Variants in ZNF521 observed in about 807,000 individuals in gnomAD.
The protein encoded by ZNF521 is zinc finger protein 521.
ZNF521 carries 14 observed loss-of-function variants against 105.5 expected under a neutral mutation model. The observed-to-expected ratio is 0.13, with a 90% CI of 0.09 to 0.21. The LOEUF (loss-of-function observed/expected upper bound fraction) is 0.21. Among genes scored for constraint, ZNF521 ranks in the 10% least tolerant of loss-of-function variants. The pLI is 1.00. For synonymous variants in ZNF521, 635 were observed against 606.0 expected (o/e 1.05, Z -0.70); for missense variants, 1,233 against 1,629.7 (o/e 0.76, Z 4.19).
At chr18:25,302,031 C>T (rs1911671909) in intron 3 of ZNF521, 1 of 152,150 alleles carries the variant, frequency 6.6e-6, no homozygotes, top group South Asian at 2.1e-4. Flanking sequence ...CACTAAGTGA[C>T]AATGAGTCTC....
chr18:25,140,856 A>G (rs1412675490), intron 5 of ZNF521, among the ~76,000 whole-genome samples: 1 of 152,188 alleles, frequency 6.6e-6, no homozygotes, highest in East Asian at 1.9e-4. Context: ...ATGCAAACAC[A>G]TGGGTTTGGC....
Position 25,177,090 on chromosome 18 carries a change from T to C in ZNF521, c.3658+18070A>G, listed in dbSNP as rs2035548256. 2.9e-5 allele frequency among the ~76,000 whole-genome samples: 4 copies of C among 135,640 alleles called. No individual in the cohort carries two copies. In the South Asian group the frequency reaches 1.0e-3, roughly 34 times the overall value. 89.0% of individuals were successfully genotyped at this position (135,640 alleles called of 152,430 possible). On this transcript the variant is annotated intron_variant, in intron 5 of 7. Coordinates refer to ENST00000361524, the MANE Select transcript of ZNF521 (RefSeq NM_015461.3). ...CTAAATTTCATGTCACTTTCAGTGA[T>C]TTTTTTTTTTACTGCTAGTTTTATT...
intron 3 of ZNF521, among the ~76,000 whole-genome samples, chr18:25,256,347 G>C (rs1010728397): frequency 1.3e-5 from 2 of 152,046 alleles, no homozygotes; most frequent in African/African-American, 4.8e-5. Context: ...CAAATGATGT[G>C]AATGTACGTA....
intron 2 of ZNF521, among the ~76,000 whole-genome samples, chr18:25,342,442 G>A (rs1482385704): frequency 9.0e-6 from 1 of 111,352 alleles, no homozygotes; most frequent in Non-Finnish European, 2.0e-5. Context: ...TTTTTTTTGA[G>A]ACAGAGTCTC....
At chr18:25,064,953 A>G (rs1281419215) in intron 7 of ZNF521, among the ~76,000 whole-genome samples, 1 of 152,172 alleles carries the variant, frequency 6.6e-6, no homozygotes, top group Non-Finnish European at 1.5e-5. Context: ...TTATCTGTAT[A>G]TTGATTTTTA....
At chr18:25,330,902 T>C (rs1214434158) in intron 2 of ZNF521, among the ~76,000 whole-genome samples, 5 of 152,010 alleles carry the variant, frequency 3.3e-5, no homozygotes, top group African/African-American at 1.2e-4. Flanking sequence ...AAGGGTGAAA[T>C]GGGTACACAA....
intron 3 of ZNF521, among the ~76,000 whole-genome samples, chr18:25,260,415 G>C (rs1846204551): frequency 6.6e-6 from 1 of 152,024 alleles, no homozygotes. Flanking sequence ...AGTATGGGTG[G>C]GGTGGTGGGT....
intron 5 of ZNF521, among the ~76,000 whole-genome samples, chr18:25,164,572 G>A (rs2035304794): frequency 6.6e-6 from 1 of 152,220 alleles, no homozygotes; most frequent in South Asian, 2.1e-4. Flanking sequence ...GTATAGCAAT[G>A]CTATCCTTTC....
At chr18:25,314,822 G>C (rs986844192) in intron 3 of ZNF521, among the ~76,000 whole-genome samples, 7 of 152,342 alleles carry the variant, frequency 4.6e-5, no homozygotes, top group African/African-American at 1.7e-4. Flanking sequence ...ATTAGCAGGA[G>C]AGAAGAGAAA....
chr18:25,331,558 C>A (rs1376098203), intron 2 of ZNF521, among the ~76,000 whole-genome samples: 1 of 152,084 alleles, frequency 6.6e-6, no homozygotes, highest in Non-Finnish European at 1.5e-5. Context: ...CATTAGTTTC[C>A]CCAAGCAAAG....
intron 4 of ZNF521, among the ~76,000 whole-genome samples, chr18:25,215,243 G>T (rs758189239): frequency 3.9e-5 from 6 of 152,080 alleles, no homozygotes; most frequent in Non-Finnish European, 7.4e-5. Flanking sequence ...AGCATAAAAA[G>T]GTTTGTAAAA....
intron 3 of ZNF521, among the ~76,000 whole-genome samples, chr18:25,281,994 T>C (rs948670127): frequency 6.6e-6 from 1 of 152,148 alleles, no homozygotes; most frequent in South Asian, 2.1e-4. Context: ...CAAAATAGGA[T>C]CCTGTTTTTC....
At chr18:25,230,027 A>G (rs1906431782) in intron 3 of ZNF521, among the ~76,000 whole-genome samples, 2 of 152,204 alleles carry the variant, frequency 1.3e-5, no homozygotes, top group African/African-American at 2.4e-5. Context: ...ATGCCTGACT[A>G]TATCTATTAT....
chr18:25,202,408 G>A (rs565539294), intron 4 of ZNF521: 1 of 152,240 alleles, frequency 6.6e-6, no homozygotes, highest in Admixed American at 6.5e-5. Context: ...AAGTATATGA[G>A]AGCATGTACA....
chr18:25,075,741 G>A (rs2033345696), intron 7 of ZNF521, among the ~76,000 whole-genome samples: 1 of 152,164 alleles, frequency 6.6e-6, no homozygotes, highest in Non-Finnish European at 1.5e-5. Context: ...ACAATAATAA[G>A]GGTTAAGTGG....
chr18:25,088,400 T>C (rs1356275404), intron 7 of ZNF521, among the ~76,000 whole-genome samples: 1 of 151,798 alleles, frequency 6.6e-6, no homozygotes, highest in Non-Finnish European at 1.5e-5. Flanking sequence ...TTTGTATTTT[T>C]AGTAGAGATG....
At chr18:25,308,573 C>A (rs1912114017) in intron 3 of ZNF521, among the ~76,000 whole-genome samples, 1 of 151,686 alleles carries the variant, frequency 6.6e-6, no homozygotes, top group Admixed American at 6.6e-5. Flanking sequence ...CTCGGCCTGG[C>A]TAACTCTTGC....
intron 3 of ZNF521, among the ~76,000 whole-genome samples, chr18:25,300,447 T>G (rs964532150): frequency 6.6e-6 from 1 of 152,204 alleles, no homozygotes; most frequent in Non-Finnish European, 1.5e-5. Context: ...AAATGGTTAT[T>G]TAGAAAATAC....
intron 3 of ZNF521, among the ~76,000 whole-genome samples, chr18:25,308,608 C>T (rs1912116384): frequency 1.3e-5 from 2 of 151,546 alleles, no homozygotes; most frequent in African/African-American, 4.9e-5. Flanking sequence ...ATCATGTGCT[C>T]CAGGAAACCA....
Sources: gnomAD v4.1 joint callset for allele counts (sites outside exome capture counted in the v4.1 genomes callset) on GRCh38, gnomAD v4.1.1 for gene constraint, MANE v1.5 for transcripts, NCBI Gene and HGNC (gene_info 2026-07-23, HGNC 2026-07-21) for gene names.